Variants in TTLL4 observed in about 807,000 individuals in gnomAD.
TTLL4 encodes the protein tubulin monoglutamylase TTLL4.
In TTLL4, 85 loss-of-function variants were observed where a neutral mutation model predicts 122.7. The observed-to-expected ratio is 0.69, with a 90% CI of 0.58 to 0.83. TTLL4 has a LOEUF of 0.83. TTLL4 is among the 40% of genes least tolerant of loss of function. TTLL4 has a pLI of 0.00. For missense variants in TTLL4, 1,363 were observed against 1,488.6 expected (o/e 0.92, Z 1.39); for synonymous variants, 553 against 563.0 (o/e 0.98, Z 0.25).
intron 2 of TTLL4, among the ~76,000 whole-genome samples, chr2:218,729,361 C>A (rs1309474521): frequency 2.6e-5 from 4 of 151,904 alleles, no homozygotes. Context: ...AGTTTTCTTA[C>A]CACCTTGTCA....
intron 15 of TTLL4, among the ~76,000 whole-genome samples, chr2:218,750,867 A>AT (rs61482073): frequency 0.05 from 7,381 of 149,050 alleles, 503 homozygotes; most frequent in African/African-American, 0.16. Flanking sequence ...CAGTATGGCC[A>AT]TTTTTTTTTT....
Position 218,745,683 on chromosome 2 carries a change from C to A in TTLL4, c.1787-8C>A. 2.5e-6 allele frequency: 4 copies of A among 1,583,134 alleles called. No individual in the cohort carries two copies. Among genetic ancestry groups the A allele is most frequent in the Non-Finnish European group, 3.5e-6 (4 of 1,156,572 alleles). The stretch of plus-strand genomic sequence containing the variant: ...CCCCCATCCCCACACCCCTTGCATT[C>A]TTCCCAGTGGAGAAACTTCCCTGGG... On this transcript the variant is annotated splice_polypyrimidine_tract_variant and splice_region_variant and intron_variant, in intron 6 of 19. Transcript: ENST00000392102.
intron 19 of TTLL4, 45 bp from the exon 20 acceptor site, chr2:218,754,089 T>C (rs1186470948): frequency 6.2e-7 from 1 of 1,611,700 alleles, no homozygotes; most frequent in Non-Finnish European, 8.5e-7. Context: ...AAAGTCTCAG[T>C]TAAACAGTGT....
chr2:218,717,070 C>A (rs999967601), intron 1 of TTLL4, among the ~76,000 whole-genome samples: 1 of 151,884 alleles, frequency 6.6e-6, no homozygotes, highest in African/African-American at 2.4e-5. Context: ...CAGTCTCCAC[C>A]CCCCAGGCTC....
chr2:218,749,544 C>T (rs1346790307), intron 14 of TTLL4, among the ~76,000 whole-genome samples, 157 bp downstream of exon 14: 9 of 151,754 alleles, frequency 5.9e-5, no homozygotes, highest in Admixed American at 5.9e-4. Flanking sequence ...TCTTGGCTTA[C>T]TGCAACCTCC....
At chr2:218,744,796 C>T (rs1942794497) in intron 5 of TTLL4, among the ~76,000 whole-genome samples, 1 of 152,114 alleles carries the variant, frequency 6.6e-6, no homozygotes, top group African/African-American at 2.4e-5. Context: ...CATTCATTTC[C>T]CCTCTCAGAA....
intron 2 of TTLL4, among the ~76,000 whole-genome samples, chr2:218,728,298 T>C (rs1942254186): frequency 6.6e-6 from 1 of 152,206 alleles, no homozygotes; most frequent in South Asian, 2.1e-4. Flanking sequence ...AGCCCTGGGC[T>C]TGTTTTCCTG....
intron 2 of TTLL4, among the ~76,000 whole-genome samples, chr2:218,730,357 A>AAAAG (rs1942344003): frequency 1.4e-5 from 2 of 142,758 alleles, no homozygotes; most frequent in African/African-American, 2.6e-5. Flanking sequence ...AAAGAAAAAA[A>AAAAG]ATTAGCTGGG....
Position 218,749,266 on chromosome 2 carries a change from G to A in TTLL4, c.2614G>A (p.Val872Met). Residue 872 changes from valine (V) to methionine (M), a missense_variant, in exon 14 of 20, where the codon GTG (valine) becomes ATG (methionine). This residue lies in a region of TTLL4 where 596 missense variants were observed against 655.8 expected (regional missense o/e 0.91). Transcript: ENST00000392102. ...CCCCATGACCAGGTCAGAGCCCTATGTGACCAGCCTGCTCAAGATGTATGT... is the reference window on the plus strand; with the variant it reads ...CCCCATGACCAGGTCAGAGCCCTATATGACCAGCCTGCTCAAGATGTATGT... ...VKTIISSEPY[V>M]TSLLKMYVRR... 1.2e-6 allele frequency: 2 copies of A among 1,614,144 alleles called. No individual in the cohort carries two copies. The highest frequency in any genetic ancestry group is 1.7e-6 in the Non-Finnish European group (2 of 1,180,026).
chr2:218,729,748 T>TTAAAAA (rs772940886), intron 2 of TTLL4, among the ~76,000 whole-genome samples: 4 of 78,726 alleles, frequency 5.1e-5, no homozygotes, highest in East Asian at 5.4e-4. Flanking sequence ...TCTCTCTTTT[T>TTAAAAA]AAAAAAAAAA....
rs1274927762 is a variant in TTLL4, at chr2:218,746,139, G to C, written c.1898-16G>C. The C allele has an allele frequency of 6.2e-7, 1 of 1,614,028 alleles. No homozygotes were observed. Among genetic ancestry groups the C allele is most frequent in the Non-Finnish European group, 8.5e-7 (1 of 1,180,024 alleles). On this transcript the variant is annotated splice_polypyrimidine_tract_variant and intron_variant, in intron 7 of 19. Coordinates refer to ENST00000392102, the MANE Select transcript of TTLL4 (RefSeq NM_014640.5). ...TGAGCTGTTAGCAAGGCTGATTCCT[G>C]ATGTACCTCCCATAGGAAACGATGA...
At position 218,737,882 on chromosome 2, in the gene TTLL4, C is replaced by A; in HGVS notation, c.206C>A (p.Pro69Gln). The change falls in exon 3 of 20, where the codon CCA becomes CAA. Residue 69 changes from proline to glutamine, a missense_variant. Around this residue, in one of 3 missense-constraint regions of TTLL4, gnomAD observed 760 missense variants for 808.4 expected, o/e 0.94. Coordinates refer to ENST00000392102, the MANE Select transcript of TTLL4 (RefSeq NM_014640.5). ...QVETLSAGLG[P>Q]GLLGVPPQPA... ...GAGACACTGTCAGCAGGGTTGGGCCCAGGCCTCTTGGGCGTCCCACCCCAG... is the reference window on the plus strand; with the variant it reads ...GAGACACTGTCAGCAGGGTTGGGCCAAGGCCTCTTGGGCGTCCCACCCCAG... 1 of 1,614,216 alleles carries A rather than the reference C, an allele frequency of 6.2e-7. No homozygotes were observed. Among genetic ancestry groups the A allele is most frequent in the Non-Finnish European group, 8.5e-7 (1 of 1,180,030 alleles).
At chr2:218,737,528 T>C in intron 2 of TTLL4, 51 bp from the exon 3 acceptor site, 1 of 937,686 alleles carries the variant, frequency 1.1e-6, no homozygotes, top group Non-Finnish European at 1.6e-6. Context: ...TGTAGCATGG[T>C]GTCCGTTCTC....
rs1433188510 is a variant in TTLL4 at position 218,754,273 on chromosome 2, C to T, written c.3484C>T (p.Pro1162Ser). 11 of 1,614,178 alleles carry T rather than the reference C, an allele frequency of 6.8e-6. No individual in the cohort carries two copies. The South Asian group carries it at 1.2e-4, about 18-fold the overall frequency. ...GGACAGTGAGGACACCAGCAAAGAG[C>T]CCAGCCTTTCTACCCAGACGTTACC... is the stretch of plus-strand genomic sequence containing the variant. ...SKDSEDTSKE[P>S]SLSTQTLPVI... The change falls in exon 20 of 20, where the codon CCC becomes TCC. Residue 1162 changes from proline to serine, a missense_variant. By Grantham distance (74) the Pro-to-Ser change is moderately conservative. Transcript: ENST00000392102.
At chr2:218,715,779 G>C (rs976143757) in intron 1 of TTLL4, among the ~76,000 whole-genome samples, 7 of 152,104 alleles carry the variant, frequency 4.6e-5, no homozygotes, top group African/African-American at 1.7e-4. Flanking sequence ...ACAGGCACCC[G>C]CCACCACGCC....
In TTLL4 at chr2:218,752,245, A is replaced by G. The variant is rs1943041418; in HGVS notation, c.2976+439A>G. Among the ~76,000 whole-genome samples the G allele has an allele frequency of 3.3e-5, 5 of 152,186 alleles. No individual in the cohort carries two copies. The South Asian group carries it at 1.0e-3, about 32-fold the overall frequency. On this transcript the variant is annotated intron_variant, in intron 16 of 19. Coordinates refer to ENST00000392102, the MANE Select transcript of TTLL4 (RefSeq NM_014640.5). ...TCTTAAGAGCACGGTTTCTTAATCC[A>G]GGCCTGTGATCCTCTGATGCACAGA...
rs550565464 is a variant in TTLL4, at chr2:218,717,295, T to C, written c.-178+6258T>C. Among the ~76,000 whole-genome samples the C allele has an allele frequency of 2.3e-3, 347 of 152,190 alleles. 1 individual carries two copies. The highest frequency in any genetic ancestry group is 8.1e-3 in the African/African-American group (335 of 41,512). The stretch of plus-strand genomic sequence containing the variant: ...AGTTTTGTTATGAAAATATTTTCTA[T>C]GTAGCAGGACCGCCAAAAGGATCTT... On this transcript the variant is annotated intron_variant, in intron 1 of 19. Coordinates refer to ENST00000392102, the MANE Select transcript of TTLL4 (RefSeq NM_014640.5).
chr2:218,736,475 C>T (rs960876023), intron 2 of TTLL4: 4 of 152,252 alleles, frequency 2.6e-5, no homozygotes, highest in Non-Finnish European at 4.4e-5. Flanking sequence ...GAGACAGGCT[C>T]TTCCTCCCTG....
In TTLL4 at chr2:218,738,352, A is replaced by G; in HGVS notation, c.676A>G (p.Asn226Asp). 6.2e-7 allele frequency: 1 copy of G among 1,614,142 alleles called. No individual in the cohort carries two copies. The highest frequency in any genetic ancestry group is 8.5e-7 in the Non-Finnish European group (1 of 1,180,040). The change falls in exon 3 of 20, where the codon AAT (asparagine) becomes GAT (aspartate). Residue 226 changes from asparagine (N) to aspartate (D), a missense_variant. Transcript: ENST00000392102. ...GAATAATAATTCCTTCATGTGGCCA[A>G]ATAGCACGCCAGTGCCTTTATTGCA... Reference protein sequence around the residue: ...MLNNNSFMWPNSTPVPLLQTT... With the variant: ...MLNNNSFMWPDSTPVPLLQTT...
Sources: gnomAD v4.1 joint callset for allele counts (sites outside exome capture counted in the v4.1 genomes callset) on GRCh38, gnomAD v4.1.1 for gene constraint, gnomAD v4.1.1 regional missense constraint, MANE v1.5 for transcripts, NCBI Gene and HGNC (gene_info 2026-07-23, HGNC 2026-07-21) for gene names.